Variants in DYM observed in about 807,000 individuals in gnomAD.
The protein encoded by DYM is dyggve-Melchior-Clausen syndrome protein.
Under a neutral mutation model 93.1 loss-of-function variants are expected in DYM, and 78 were observed. The observed-to-expected ratio is 0.84, with a 90% CI of 0.70 to 1.01. DYM has a LOEUF of 1.01. DYM is among the 50% of genes least tolerant of loss of function. The pLI is 0.00. For synonymous variants in DYM, 321 were observed against 319.7 expected, an observed-to-expected ratio of 1.00 and a Z score of -0.04; for missense variants, 789 against 845.0, an observed-to-expected ratio of 0.93 and a Z score of 0.82.
At chr18:49,082,370 T>C (rs1568390981) in intron 17 of DYM, among the ~76,000 whole-genome samples, 1 of 152,260 alleles carries the variant, frequency 6.6e-6, no homozygotes, top group Admixed American at 6.5e-5. Flanking sequence ...TCAGACTTTC[T>C]AGTTGTTTTC....
rs529594430 is a variant in DYM at position 49,112,219 on chromosome 18, T to G, written c.1911+6525A>C. On this transcript the variant is annotated intron_variant, in intron 16 of 17. Transcript: ENST00000675505. Reference sequence around the variant, plus strand: ...TCTGGCAGGGGAATGATGCTACGCATTTTTCTATTGGTACATCACCTTGGG... The same window carrying G: ...TCTGGCAGGGGAATGATGCTACGCAGTTTTCTATTGGTACATCACCTTGGG... Among the ~76,000 whole-genome samples the G allele has an allele frequency of 8.3e-5, 12 of 144,510 alleles. No individual in the cohort carries two copies. The East Asian group carries it at 2.0e-3, about 24-fold the overall frequency. The allele number at this position is 144,510 out of a possible 152,430, so 94.8% of individuals were successfully genotyped here. A position where few individuals can be genotyped will look rare whatever the true frequency, so the allele number is the denominator to read the frequency against.
chr18:49,178,367 C>T (rs1040082654), intron 14 of DYM, among the ~76,000 whole-genome samples: 1 of 152,076 alleles, frequency 6.6e-6, no homozygotes, highest in South Asian at 2.1e-4. Flanking sequence ...TCAGTACATG[C>T]TCAAATCAAC....
At chr18:49,109,977 C>T (rs1449367479) in intron 16 of DYM, among the ~76,000 whole-genome samples, 1 of 152,192 alleles carries the variant, frequency 6.6e-6, no homozygotes, top group African/African-American at 2.4e-5. Context: ...ATAAACCCCA[C>T]AATACATTGT....
chr18:49,239,169 A>C (rs1006429071), intron 13 of DYM, among the ~76,000 whole-genome samples: 2 of 152,198 alleles, frequency 1.3e-5, no homozygotes, highest in Non-Finnish European at 1.5e-5. Context: ...GATAGTGGAC[A>C]TTTCCTGCTC....
At chr18:49,394,934 T>C (rs1159114999) in intron 2 of DYM, among the ~76,000 whole-genome samples, 2 of 152,198 alleles carry the variant, frequency 1.3e-5, no homozygotes, top group East Asian at 3.8e-4. Context: ...GTAAACTGAA[T>C]ATTCACATGC....
At chr18:49,128,170 T>C (rs2083009228) in intron 15 of DYM, among the ~76,000 whole-genome samples, 1 of 152,182 alleles carries the variant, frequency 6.6e-6, no homozygotes, top group Non-Finnish European at 1.5e-5. Flanking sequence ...CTGATTGAAA[T>C]CCAGCAAAGG....
intron 8 of DYM, among the ~76,000 whole-genome samples, chr18:49,289,772 T>TATACACAC (rs1555678772): frequency 2.7e-5 from 1 of 36,640 alleles, no homozygotes; most frequent in African/African-American, 1.3e-4. Flanking sequence ...TATATATATA[T>TATACACAC]ACACATATAT....
intron 15 of DYM, among the ~76,000 whole-genome samples, chr18:49,147,813 T>C (rs1429278895): frequency 1.4e-4 from 21 of 152,100 alleles, no homozygotes; most frequent in Non-Finnish European, 8.8e-5. Flanking sequence ...GAACTACAAA[T>C]ACCATTTGAC....
chr18:49,434,948 C>CT (rs1383214216), intron 1 of DYM, among the ~76,000 whole-genome samples: 19 of 152,116 alleles, frequency 1.2e-4, no homozygotes, highest in African/African-American at 4.6e-4. Flanking sequence ...TAGCTCATGC[C>CT]TATAATCCCA....
At chr18:49,218,070 C>A (rs1195239330) in intron 13 of DYM, among the ~76,000 whole-genome samples, 7 of 151,722 alleles carry the variant, frequency 4.6e-5, no homozygotes, top group Non-Finnish European at 8.8e-5. Flanking sequence ...ATCTACCAAG[C>A]AAATGGAAAA....
intron 2 of DYM, among the ~76,000 whole-genome samples, chr18:49,404,270 A>T (rs2071199046): frequency 6.6e-6 from 1 of 152,156 alleles, no homozygotes; most frequent in Non-Finnish European, 1.5e-5. Flanking sequence ...GGCCTCCCAA[A>T]GTGCTAGGAT....
intron 8 of DYM, among the ~76,000 whole-genome samples, chr18:49,299,604 G>C (rs1292806001): frequency 1.1e-4 from 17 of 152,108 alleles, no homozygotes; most frequent in Non-Finnish European, 2.9e-5. Flanking sequence ...GGTTCCCTGA[G>C]AGAGGGCCTT....
chr18:49,257,175 A>G, intron 12 of DYM, 71 bp from the exon 13 acceptor site: 1 of 1,165,926 alleles, frequency 8.6e-7, no homozygotes, highest in Non-Finnish European at 1.3e-6. Flanking sequence ...TTAACTATTA[A>G]TAGAAGCAAA....
intron 15 of DYM, among the ~76,000 whole-genome samples, chr18:49,124,543 G>A (rs1183895350): frequency 1.3e-5 from 2 of 150,636 alleles, no homozygotes; most frequent in African/African-American, 4.9e-5. Context: ...ATATTAATAA[G>A]CATGTTCTAC....
intron 8 of DYM, among the ~76,000 whole-genome samples, chr18:49,311,151 G>A (rs546490792): frequency 6.6e-6 from 1 of 152,176 alleles, no homozygotes; most frequent in Non-Finnish European, 1.5e-5. Flanking sequence ...GGGACAACAG[G>A]ACCGAAGCCA....
intron 15 of DYM, among the ~76,000 whole-genome samples, chr18:49,130,765 A>G (rs916048438): frequency 1.3e-5 from 2 of 152,222 alleles, no homozygotes; most frequent in Non-Finnish European, 2.9e-5. Context: ...GGATCCAGAC[A>G]TGTTCCTGCC....
chr18:49,055,730 C>T (rs2044550), intron 17 of DYM, among the ~76,000 whole-genome samples: 38,642 of 152,132 alleles, frequency 0.25, 5,083 homozygotes, highest in South Asian at 0.39. Context: ...GAATGCTAAA[C>T]GAAAGCACAG....
At chr18:49,165,746 A>T (rs900477480) in intron 14 of DYM, among the ~76,000 whole-genome samples, 1 of 152,174 alleles carries the variant, frequency 6.6e-6, no homozygotes, top group African/African-American at 2.4e-5. Flanking sequence ...AAATTTTATG[A>T]TACTGGTTAC....
chr18:49,080,105 C>T (rs367610954), intron 17 of DYM, among the ~76,000 whole-genome samples: 2 of 63,416 alleles, frequency 3.2e-5, no homozygotes, highest in African/African-American at 1.2e-4. Context: ...GCTGGCCGGG[C>T]GGGGGGCTGA....
Sources: allele counts gnomAD v4.1 joint callset (sites outside exome capture counted in the v4.1 genomes callset), GRCh38; gene constraint gnomAD v4.1.1; transcripts MANE v1.5; gene names NCBI Gene and HGNC (gene_info 2026-07-23, HGNC 2026-07-21).